DTX1: variants seen among roughly 807,000 people sequenced by gnomAD.
The protein encoded by DTX1 is deltex E3 ubiquitin ligase 1.
Under a neutral mutation model 57.8 loss-of-function variants are expected in DTX1, and 26 were observed. The ratio of observed to expected loss-of-function variants is 0.45; its 90% CI spans 0.33 to 0.62. The LOEUF (loss-of-function observed/expected upper bound fraction) is 0.62, where lower values mean the gene tolerates loss of function less well. Ranked by LOEUF, DTX1 falls within the 20% of genes least tolerant of loss-of-function variation. The pLI, the probability that DTX1 is intolerant of heterozygous loss-of-function variation, is 0.02. For missense variants in DTX1, 704 were observed against 895.3 expected (o/e 0.79, Z 2.73); for synonymous variants, 398 against 394.1 (o/e 1.01, Z -0.12).
At chr12:113,095,943 C>T (rs1950286390) in intron 9 of DTX1, among the ~76,000 whole-genome samples, 1 of 152,208 alleles carries the variant, frequency 6.6e-6, no homozygotes, top group African/African-American at 2.4e-5. Context: ...TGTGGTGGCT[C>T]ATGCCTCTAA....
rs2136067217 is a variant in DTX1 at position 113,093,494 on chromosome 12, G to A, written c.1004-45G>A. ...CCAGGGCCAGTGGTCGGGGGTTTGG[G>A]CGGGGATGGCGCCCCGCCCTGTGAC... On this transcript the variant is annotated intron_variant, in intron 4 of 9. Transcript: ENST00000548759. The surrounding 1 kb of genome is among the most constrained non-coding windows in gnomAD (Gnocchi z 4.2). 4.0e-6 allele frequency: 6 copies of A among 1,516,086 alleles called. No homozygotes were observed. The highest frequency in any genetic ancestry group is 3.5e-6 in the Non-Finnish European group (4 of 1,131,920). The allele number at this position is 1,516,086 out of a possible 1,614,324, so 93.9% of individuals were successfully genotyped here.
chr12:113,057,733 T>G lies in DTX1; in HGVS notation c.-460T>G. ...GCCGGGCGCAGGGTCTGGGACGCAGTTGGGAGTGCAAAGGGCTGGCTGAGA... is the reference window on the plus strand; with the variant it reads ...GCCGGGCGCAGGGTCTGGGACGCAGGTGGGAGTGCAAAGGGCTGGCTGAGA... On this transcript the variant is annotated 5_prime_UTR_variant, in exon 2 of 10. Coordinates refer to ENST00000548759, the MANE Select transcript of DTX1 (RefSeq NM_004416.3). 1.2e-5 allele frequency: 2 copies of G among 163,354 alleles called. No individual in the cohort carries two copies. Among genetic ancestry groups the G allele is most frequent in the Admixed American group, 5.8e-5 (1 of 17,252 alleles). The allele number at this position is 163,354 out of a possible 1,614,324, so 10.1% of individuals were successfully genotyped here.
At chr12:113,095,907 C>A (rs1425345675) in intron 9 of DTX1, among the ~76,000 whole-genome samples, 1 of 152,106 alleles carries the variant, frequency 6.6e-6, no homozygotes, top group South Asian at 2.1e-4. Context: ...CTTTCTTCAC[C>A]CCAGAAAAAA....
rs2136059031 is a variant in DTX1, at chr12:113,077,509, C to A, written c.345C>A (p.Gly115=). The change falls in exon 3 of 10, where the codon GGC becomes GGA. Residue 115 remains glycine (G), a synonymous_variant. Coordinates refer to ENST00000548759, the MANE Select transcript of DTX1 (RefSeq NM_004416.3). This position sits in a 1 kb window ranked among gnomAD's most constrained non-coding sequence, Gnocchi z 7.8. ...TCGTGTGGGAGTGGGAGAACGACGG[C>A]GGCGCATGGACGGCCTACGATATGG... is the stretch of plus-strand genomic sequence containing the variant. The part of the protein sequence containing the change: ...KGIVWEWEND[G]GAWTAYDMDI... 1 of 1,611,532 alleles carries A rather than the reference C, an allele frequency of 6.2e-7. No individual in the cohort carries two copies.
intron 3 of DTX1, among the ~76,000 whole-genome samples, chr12:113,083,891 G>A (rs1222767618): frequency 6.6e-6 from 1 of 152,164 alleles, no homozygotes; most frequent in Non-Finnish European, 1.5e-5. Flanking sequence ...CTTGAGGCTT[G>A]GCCTCTCTAG....
At chr12:113,061,314 A>C (rs2044661999) in intron 2 of DTX1, among the ~76,000 whole-genome samples, 1 of 152,250 alleles carries the variant, frequency 6.6e-6, no homozygotes. Context: ...TGCGATTGGC[A>C]GGAGACCTCA....
At chr12:113,083,648 C>T (rs1482409893) in intron 3 of DTX1, among the ~76,000 whole-genome samples, 1 of 152,218 alleles carries the variant, frequency 6.6e-6, no homozygotes, top group Non-Finnish European at 1.5e-5. Context: ...ATTTTAATGG[C>T]AAAAACCACC....
intron 9 of DTX1, 111 bp downstream of exon 9, chr12:113,095,525 C>T (rs1262509379): frequency 2.9e-6 from 4 of 1,397,210 alleles, no homozygotes; most frequent in African/African-American, 1.4e-5. Flanking sequence ...TCACATTCCT[C>T]CCAAAAGCAG....
chr12:113,082,625 C>G (rs1043624091), intron 3 of DTX1, among the ~76,000 whole-genome samples: 1 of 152,146 alleles, frequency 6.6e-6, no homozygotes, highest in African/African-American at 2.4e-5. Flanking sequence ...GACAGAGCCT[C>G]GCTCTTATTG....
At chr12:113,088,839 T>TTTGTTG (rs34865485) in intron 3 of DTX1, among the ~76,000 whole-genome samples, 1 of 149,764 alleles carries the variant, frequency 6.7e-6, no homozygotes, top group Non-Finnish European at 1.5e-5. Context: ...CCTCAAAAGT[T>TTTGTTG]TTGTTGTTGT....
At chr12:113,094,165 C>T (rs78776623) in intron 6 of DTX1, 66 bp downstream of exon 6, 14,723 of 1,451,540 alleles carry the variant, frequency 0.01, 110 homozygotes, top group Middle Eastern at 0.023. Context: ...CCTCACCCCT[C>T]CTCCTGGGTT....
chr12:113,080,151 G>A (rs1416791744), intron 3 of DTX1, among the ~76,000 whole-genome samples: 2 of 152,194 alleles, frequency 1.3e-5, no homozygotes, highest in Non-Finnish European at 2.9e-5. Flanking sequence ...GGGTCATGGG[G>A]ACAAACAGAG....
At chr12:113,080,868 G>A (rs560667795) in intron 3 of DTX1, among the ~76,000 whole-genome samples, 5 of 151,906 alleles carry the variant, frequency 3.3e-5, no homozygotes, top group Non-Finnish European at 4.4e-5. Context: ...CCAGTTACTC[G>A]GAAGGCTGAG....
In DTX1 at chr12:113,065,229, A is replaced by C. The variant is rs561030029; in HGVS notation, c.259+6778A>C. Among the ~76,000 whole-genome samples, 5 of 152,314 alleles carry C rather than the reference A, an allele frequency of 3.3e-5. No homozygotes were observed. In the South Asian group the frequency reaches 1.0e-3, roughly 32 times the overall value. ...AGGGGCAGCCTCAGGCACTTCCTACAGTCTGTCTGGGTTCCCTTCACCCAG... is the reference window on the plus strand; with the variant it reads ...AGGGGCAGCCTCAGGCACTTCCTACCGTCTGTCTGGGTTCCCTTCACCCAG... On this transcript the variant is annotated intron_variant, in intron 2 of 9. Transcript: ENST00000548759.
chr12:113,077,326 C>T lies in DTX1; in HGVS notation c.260-98C>T, dbSNP rs535119080. Reference sequence around the variant, plus strand: ...CCCCCTGGAGGCCTGTGCTGACCCCCCAACCTCCCGCCCACCCTTGCCTGG... The same window carrying T: ...CCCCCTGGAGGCCTGTGCTGACCCCTCAACCTCCCGCCCACCCTTGCCTGG... On this transcript the variant is annotated intron_variant, in intron 2 of 9. Transcript: ENST00000548759. This position sits in a 1 kb window ranked among gnomAD's most constrained non-coding sequence, Gnocchi z 7.8. 6 of 1,392,404 alleles carry T rather than the reference C, an allele frequency of 4.3e-6. No homozygotes were observed. The African/African-American group carries it at 8.7e-5, about 20-fold the overall frequency. The allele number at this position is 1,392,404 out of a possible 1,614,324, so 86.3% of individuals were successfully genotyped here.
chr12:113,080,011 G>C (rs1285275785), intron 3 of DTX1, among the ~76,000 whole-genome samples: 3 of 152,196 alleles, frequency 2.0e-5, no homozygotes, highest in African/African-American at 7.2e-5. Context: ...CAGTAGTTCA[G>C]CCATGGCCGT....
In DTX1 at chr12:113,093,894, G is replaced by T; in HGVS notation, c.1166-144G>T. The stretch of plus-strand genomic sequence containing the variant: ...TAACCTCCAGCAACCCCTGACCTCT[G>T]ACCCTGGCCAACCCTTGCCAGCCTG... On this transcript the variant is annotated intron_variant, in intron 5 of 9. Coordinates refer to ENST00000548759, the MANE Select transcript of DTX1 (RefSeq NM_004416.3). This position sits in a 1 kb window ranked among gnomAD's most constrained non-coding sequence, Gnocchi z 4.2. 2 of 1,424,042 alleles carry T rather than the reference G, an allele frequency of 1.4e-6. No individual in the cohort carries two copies. The highest frequency in any genetic ancestry group is 2.5e-5 in the South Asian group (2 of 79,790). 88.2% of individuals were successfully genotyped at this position (1,424,042 alleles called of 1,614,324 possible).
At chr12:113,061,463 G>A (rs2044663021) in intron 2 of DTX1, among the ~76,000 whole-genome samples, 2 of 152,210 alleles carry the variant, frequency 1.3e-5, no homozygotes, top group South Asian at 2.1e-4. Flanking sequence ...CTGGAAAAGA[G>A]CCTCAACCGG....
chr12:113,093,643 C>A lies in DTX1; in HGVS notation c.1108C>A (p.Pro370Thr). 1.9e-6 allele frequency: 3 copies of A among 1,613,688 alleles called. No individual in the cohort carries two copies. The highest frequency in any genetic ancestry group is 2.5e-6 in the Non-Finnish European group (3 of 1,179,918). Residue 370 changes from proline to threonine, a missense_variant, in exon 5 of 10, where the codon CCC becomes ACC. By Grantham distance (38) the Pro-to-Thr change is conservative (BLOSUM62 -1). This residue lies in a region of DTX1 where 299 missense variants were observed against 311.2 expected (regional missense o/e 0.96). Coordinates refer to ENST00000548759, the MANE Select transcript of DTX1 (RefSeq NM_004416.3). The surrounding 1 kb of genome is among the most constrained non-coding windows in gnomAD (Gnocchi z 4.2). Reference sequence around the variant, plus strand: ...GCCCGTGAGCAAGAGCGACGTGAAGCCCGTGCCTGGCGTGCCCGGGGTGTG... The same window carrying A: ...GCCCGTGAGCAAGAGCGACGTGAAGACCGTGCCTGGCGTGCCCGGGGTGTG... ...PPPVSKSDVK[P>T]VPGVPGVCRK... is the part of the protein sequence containing the mutation.
Sources: gnomAD v4.1 joint callset for allele counts (sites outside exome capture counted in the v4.1 genomes callset) on GRCh38, gnomAD v4.1.1 for gene constraint, gnomAD v4.1.1 regional missense constraint, Gnocchi (gnomAD v3.1) non-coding constraint, MANE v1.5 for transcripts, NCBI Gene and HGNC (gene_info 2026-07-23, HGNC 2026-07-21) for gene names.